The following WDPCP variants were observed in gnomAD, a reference collection of about 807,000 sequenced individuals.
WDPCP encodes the protein WD repeat containing planar cell polarity effector.
Under a neutral mutation model 93.1 loss-of-function variants are expected in WDPCP, and 71 were observed. The observed-to-expected ratio is 0.76, with a 90% CI of 0.63 to 0.93. WDPCP has a LOEUF of 0.93. Among genes scored for constraint, WDPCP ranks in the 40% least tolerant of loss-of-function variants. The probability of loss-of-function intolerance (pLI) is 0.00; values close to 1 mark genes in which losing one functional copy is unlikely to be tolerated. For synonymous variants in WDPCP, 315 were observed against 315.0 expected (o/e 1.00, Z 0.00); for missense variants, 844 against 887.4 (o/e 0.95, Z 0.62).
At chr2:63,280,208 A>T (rs1683422261) in intron 13 of WDPCP, among the ~76,000 whole-genome samples, 1 of 152,186 alleles carries the variant, frequency 6.6e-6, no homozygotes, top group Admixed American at 6.5e-5. Flanking sequence ...GAACAAAAAG[A>T]AGTTTAATTG....
chr2:63,133,601 G>A (rs898412302), intron 17 of WDPCP, among the ~76,000 whole-genome samples: 1 of 152,104 alleles, frequency 6.6e-6, no homozygotes, highest in African/African-American at 2.4e-5. Flanking sequence ...AGATTTGATG[G>A]TTTTATAAGC....
At chr2:63,801,363 A>G (rs1325259221) in intron 2 of WDPCP, among the ~76,000 whole-genome samples, 2 of 152,194 alleles carry the variant, frequency 1.3e-5, no homozygotes, top group Admixed American at 1.3e-4. Context: ...GCTGACTTCA[A>G]GAATGAAACC....
At chr2:63,760,912 C>A (rs1185118181) in intron 2 of WDPCP, among the ~76,000 whole-genome samples, 1 of 152,178 alleles carries the variant, frequency 6.6e-6, no homozygotes, top group African/African-American at 2.4e-5. Context: ...ACAGCCATCA[C>A]CCATCCACTC....
intron 1 of WDPCP, among the ~76,000 whole-genome samples, chr2:63,538,761 G>C (rs1193373404): frequency 6.6e-6 from 1 of 152,086 alleles, no homozygotes; most frequent in Non-Finnish European, 1.5e-5. Flanking sequence ...GAACTCAGCA[G>C]TTATAAAGAC....
chr2:63,803,918 A>G (rs1670727779), intron 2 of WDPCP, among the ~76,000 whole-genome samples: 1 of 152,184 alleles, frequency 6.6e-6, no homozygotes, highest in East Asian at 1.9e-4. Context: ...ATGCTTTTAT[A>G]TTTAGTTTCA....
chr2:63,704,861 T>A (rs1328039675), intron 2 of WDPCP, among the ~76,000 whole-genome samples: 1 of 152,200 alleles, frequency 6.6e-6, no homozygotes, highest in Non-Finnish European at 1.5e-5. Flanking sequence ...TGGGATAGTT[T>A]CAGAAGGAAT....
chr2:63,801,203 A>C (rs1670689005), intron 2 of WDPCP, among the ~76,000 whole-genome samples: 1 of 152,166 alleles, frequency 6.6e-6, no homozygotes, highest in East Asian at 1.9e-4. Context: ...TGGGGCAGGA[A>C]TCATATGAAG....
chr2:63,788,986 A>G (rs773617284), intron 2 of WDPCP, among the ~76,000 whole-genome samples: 3 of 152,176 alleles, frequency 2.0e-5, no homozygotes, highest in Non-Finnish European at 4.4e-5. Context: ...GGCTCAAGCA[A>G]TCCTCCCACC....
chr2:63,254,605 C>T (rs1285360440), intron 14 of WDPCP, among the ~76,000 whole-genome samples: 1 of 152,044 alleles, frequency 6.6e-6, no homozygotes, highest in Admixed American at 6.6e-5. Context: ...TATCCAGTTT[C>T]TTCCAATGAT....
At chr2:63,347,030 G>T (rs552901495) in intron 12 of WDPCP, among the ~76,000 whole-genome samples, 5 of 152,210 alleles carry the variant, frequency 3.3e-5, no homozygotes, top group African/African-American at 1.2e-4. Context: ...CTGAAAGCAG[G>T]AACTCTCAAA....
At chr2:63,501,551 G>A (rs565410212) in intron 1 of WDPCP, among the ~76,000 whole-genome samples, 4 of 152,312 alleles carry the variant, frequency 2.6e-5, no homozygotes, top group African/African-American at 7.2e-5. Flanking sequence ...AGATGACAGA[G>A]CAAGACCAAG....
chr2:63,526,489 T>C (rs1400957415), intron 1 of WDPCP, among the ~76,000 whole-genome samples: 1 of 152,174 alleles, frequency 6.6e-6, no homozygotes, highest in Non-Finnish European at 1.5e-5. Flanking sequence ...TAACAAAGGT[T>C]AAAGATATCA....
intron 12 of WDPCP, among the ~76,000 whole-genome samples, chr2:63,350,044 A>G (rs1328530053): frequency 6.6e-6 from 1 of 152,198 alleles, no homozygotes; most frequent in Non-Finnish European, 1.5e-5. Flanking sequence ...ACCAACCCAA[A>G]TGTCCATCAA....
intron 1 of WDPCP, among the ~76,000 whole-genome samples, chr2:63,521,600 C>T (rs1264672102): frequency 2.6e-5 from 4 of 152,140 alleles, no homozygotes; most frequent in Non-Finnish European, 5.9e-5. Flanking sequence ...ACCCCATTGA[C>T]AGTATTAGAC....
At chr2:63,818,513 TA>T (rs1427190171) in intron 1 of WDPCP, among the ~76,000 whole-genome samples, 1 of 152,120 alleles carries the variant, frequency 6.6e-6, no homozygotes, top group Admixed American at 6.5e-5. Flanking sequence ...TAAGAAAACA[TA>T]TACTGAATTC....
intron 1 of WDPCP, among the ~76,000 whole-genome samples, chr2:63,577,429 T>C (rs1431305057): frequency 6.6e-6 from 1 of 152,194 alleles, no homozygotes; most frequent in Non-Finnish European, 1.5e-5. Context: ...AGCAGCTTTA[T>C]GTTCTCTAGA....
At chr2:63,763,671 G>A (rs1670095114) in intron 2 of WDPCP, among the ~76,000 whole-genome samples, 3 of 152,082 alleles carry the variant, frequency 2.0e-5, no homozygotes, top group Non-Finnish European at 1.5e-5. Flanking sequence ...ACAAAAAAGT[G>A]TTTTGATTAG....
chr2:63,317,363 G>A (rs556472631), intron 12 of WDPCP, among the ~76,000 whole-genome samples: 12 of 144,388 alleles, frequency 8.3e-5, no homozygotes, highest in Non-Finnish European at 1.2e-4. Context: ...AGCCAAGATC[G>A]CACCATTGCA....
chr2:63,400,435 A>G (rs745753935), intron 10 of WDPCP, among the ~76,000 whole-genome samples: 1 of 152,246 alleles, frequency 6.6e-6, no homozygotes, highest in Non-Finnish European at 1.5e-5. Flanking sequence ...GAATAGAGTA[A>G]ACAGACAACC....
Sources: allele counts gnomAD v4.1 joint callset (sites outside exome capture counted in the v4.1 genomes callset), GRCh38; gene constraint gnomAD v4.1.1; transcripts MANE v1.5; gene names NCBI Gene and HGNC (gene_info 2026-07-23, HGNC 2026-07-21).